The following UBE3D variants were observed in gnomAD, a reference collection of about 807,000 sequenced individuals.
The protein encoded by UBE3D is E3 ubiquitin-protein ligase E3D.
Under a neutral mutation model 49.6 loss-of-function variants are expected in UBE3D, and 48 were observed. That is an observed-to-expected ratio of 0.97 (90% confidence interval 0.77 to 1.23). UBE3D has a LOEUF of 1.23. Ranked by LOEUF, UBE3D falls within the 50% of genes most tolerant of loss-of-function variation. The probability of loss-of-function intolerance (pLI) is 0.00; values close to 1 mark genes in which losing one functional copy is unlikely to be tolerated. For synonymous variants in UBE3D, 189 were observed against 174.2 expected, an observed-to-expected ratio of 1.08 and a Z score of -0.67; for missense variants, 452 against 468.4, an observed-to-expected ratio of 0.96 and a Z score of 0.32.
chr6:83,011,346 A>G (rs982640413), intron 8 of UBE3D, among the ~76,000 whole-genome samples: 14 of 152,132 alleles, frequency 9.2e-5, no homozygotes, highest in African/African-American at 3.4e-4. Flanking sequence ...ACCTTCTTCT[A>G]CTACCCAGCC....
At chr6:82,997,398 T>C (rs1284921401) in intron 8 of UBE3D, among the ~76,000 whole-genome samples, 3 of 152,108 alleles carry the variant, frequency 2.0e-5, no homozygotes, top group African/African-American at 4.8e-5. Context: ...AAGGACACTA[T>C]GGTATATGAC....
chr6:83,021,939 T>C (rs1449629378), intron 7 of UBE3D, among the ~76,000 whole-genome samples: 2 of 152,152 alleles, frequency 1.3e-5, no homozygotes, highest in African/African-American at 4.8e-5. Flanking sequence ...AATCAGGATT[T>C]TTCTCTGTAT....
chr6:82,929,108 T>C (rs1334901366), intron 9 of UBE3D, among the ~76,000 whole-genome samples: 1 of 152,116 alleles, frequency 6.6e-6, no homozygotes, highest in Non-Finnish European at 1.5e-5. Flanking sequence ...ATCATAAAAA[T>C]AATAAATCTT....
At chr6:83,054,577 A>G (rs906958727) in intron 2 of UBE3D, among the ~76,000 whole-genome samples, 4 of 152,146 alleles carry the variant, frequency 2.6e-5, no homozygotes, top group African/African-American at 9.7e-5. Context: ...GATCTCCAAC[A>G]TTCTCAGCTT....
intron 6 of UBE3D, among the ~76,000 whole-genome samples, chr6:83,023,067 A>C (rs1562196813): frequency 6.6e-6 from 1 of 152,214 alleles, no homozygotes; most frequent in Non-Finnish European, 1.5e-5. Context: ...TTTGGATATC[A>C]ACAAATAAAC....
At position 83,044,676 on chromosome 6, in the gene UBE3D, A is replaced by G; in HGVS notation, c.366-17T>C. 1 of 1,587,354 alleles carries G rather than the reference A, an allele frequency of 6.3e-7. No individual in the cohort carries two copies. Among genetic ancestry groups the G allele is most frequent in the Non-Finnish European group, 8.6e-7 (1 of 1,160,466 alleles). On this transcript the variant is annotated splice_polypyrimidine_tract_variant and intron_variant, in intron 3 of 9. Transcript: ENST00000369747. ...AGGAGCTTCCTAGTGGAAAGAGGAA[A>G]AATCATTTTTCACAGAACAAAATGA...
At chr6:82,986,759 T>G (rs541405893) in intron 8 of UBE3D, among the ~76,000 whole-genome samples, 3 of 148,404 alleles carry the variant, frequency 2.0e-5, no homozygotes, top group African/African-American at 7.3e-5. Flanking sequence ...TATACATGTA[T>G]TATACATATA....
Position 82,964,404 on chromosome 6 carries a change from G to C in UBE3D, c.1011-6954C>G, listed in dbSNP as rs1776762847. Among the ~76,000 whole-genome samples the C allele has an allele frequency of 2.0e-5, 3 of 152,130 alleles. No homozygotes were observed. In the South Asian group the frequency reaches 6.2e-4, roughly 32 times the overall value. On this transcript the variant is annotated intron_variant, in intron 8 of 9. Transcript: ENST00000369747. Reference sequence around the variant, plus strand: ...CTACCAAAATTAAAATATTTAAAAGGAATCCAAAATATTATTGTGTAGAGA... The same window carrying C: ...CTACCAAAATTAAAATATTTAAAAGCAATCCAAAATATTATTGTGTAGAGA...
chr6:82,982,629 G>A (rs1325242800), intron 8 of UBE3D, among the ~76,000 whole-genome samples: 1 of 152,110 alleles, frequency 6.6e-6, no homozygotes, highest in Non-Finnish European at 1.5e-5. Flanking sequence ...AGCTTGATCG[G>A]GTTTGCTGTT....
At chr6:82,964,336 A>G (rs529381803) in intron 8 of UBE3D, among the ~76,000 whole-genome samples, 23 of 152,336 alleles carry the variant, frequency 1.5e-4, no homozygotes, top group African/African-American at 4.3e-4. Context: ...AGGTCGTTTA[A>G]TGTAACACAG....
intron 8 of UBE3D, among the ~76,000 whole-genome samples, chr6:82,969,561 T>A (rs1205534633): frequency 6.6e-6 from 1 of 152,072 alleles, no homozygotes; most frequent in Admixed American, 6.6e-5. Flanking sequence ...TGAGTCAAGA[T>A]CATCCCACTG....
chr6:82,904,464 C>T (rs1238687604), intron 9 of UBE3D, among the ~76,000 whole-genome samples: 1 of 152,158 alleles, frequency 6.6e-6, no homozygotes, highest in Non-Finnish European at 1.5e-5. Context: ...AGATTGAATG[C>T]CTCCCCGACA....
At chr6:83,055,506 A>C in intron 2 of UBE3D, among the ~76,000 whole-genome samples, 1 of 152,240 alleles carries the variant, frequency 6.6e-6, no homozygotes, top group Non-Finnish European at 1.5e-5. Context: ...CTAGGAATCC[A>C]AAATATTTTT....
chr6:82,986,451 A>G (rs976900899), intron 8 of UBE3D, among the ~76,000 whole-genome samples: 1 of 136,556 alleles, frequency 7.3e-6, no homozygotes, highest in Non-Finnish European at 1.5e-5. Flanking sequence ...AGCCTGGGTG[A>G]CAGAGAAACA....
intron 5 of UBE3D, among the ~76,000 whole-genome samples, chr6:83,034,377 T>A (rs1782092314): frequency 6.6e-6 from 1 of 152,260 alleles, no homozygotes; most frequent in African/African-American, 2.4e-5. Flanking sequence ...TTTTTTCTTC[T>A]TCCTGCAGTG....
At chr6:82,932,889 A>G (rs1774272545) in intron 9 of UBE3D, among the ~76,000 whole-genome samples, 1 of 152,180 alleles carries the variant, frequency 6.6e-6, no homozygotes, top group Non-Finnish European at 1.5e-5. Context: ...GCATGGAGAG[A>G]GAGAGGAACA....
intron 8 of UBE3D, among the ~76,000 whole-genome samples, chr6:83,011,979 C>T (rs1780368850): frequency 6.6e-6 from 1 of 152,146 alleles, no homozygotes; most frequent in African/African-American, 2.4e-5. Context: ...CCCAGCCCTG[C>T]AAAGTATTGT....
downstream of UBE3D, among the ~76,000 whole-genome samples, chr6:82,890,416 G>A (rs1248613406): frequency 6.6e-6 from 1 of 152,174 alleles, no homozygotes; most frequent in Non-Finnish European, 1.5e-5. Flanking sequence ...TTGAGCACGG[G>A]CATAGCTGTG....
chr6:83,049,775 G>C, intron 3 of UBE3D: 1 of 471,084 alleles, frequency 2.1e-6, no homozygotes, highest in East Asian at 7.0e-5. Context: ...CAAATCATCT[G>C]AAAATCGAAA....
Sources: allele counts gnomAD v4.1 joint callset (sites outside exome capture counted in the v4.1 genomes callset), GRCh38; gene constraint gnomAD v4.1.1; transcripts MANE v1.5; gene names NCBI Gene and HGNC (gene_info 2026-07-23, HGNC 2026-07-21).